The following BRWD1 variants were observed in gnomAD, a reference collection of about 807,000 sequenced individuals.
BRWD1 encodes bromodomain and WD repeat domain containing 1.
Under a neutral mutation model 251.2 loss-of-function variants are expected in BRWD1, and 82 were observed. The ratio of observed to expected loss-of-function variants is 0.33; its 90% CI spans 0.27 to 0.39. The LOEUF is 0.39. Among genes scored for constraint, BRWD1 ranks in the 10% least tolerant of loss-of-function variants. The probability of loss-of-function intolerance (pLI) is 1.00; values close to 1 mark genes in which losing one functional copy is unlikely to be tolerated. For synonymous variants in BRWD1, 918 were observed against 902.8 expected (o/e 1.02, Z -0.30); for missense variants, 2,233 against 2,711.6 (o/e 0.82, Z 3.92).
chr21:39,243,840 G>C (rs1268362135), intron 21 of BRWD1, among the ~76,000 whole-genome samples: 2 of 152,110 alleles, frequency 1.3e-5, no homozygotes, highest in Non-Finnish European at 2.9e-5. Flanking sequence ...ACTCTCAAAA[G>C]GATTAAAACA....
chr21:39,192,254 A>G lies in BRWD1; in HGVS notation c.*4005T>C, dbSNP rs2031591177. On this transcript the variant is annotated 3_prime_UTR_variant, in exon 41 of 41. Coordinates refer to ENST00000342449, the MANE Select transcript of BRWD1 (RefSeq NM_033656.4). ...AAGACAACACAGCCCTTAGCATTACATACTTTACTTTTCAATCCTTACTAT... is the reference window on the plus strand; with the variant it reads ...AAGACAACACAGCCCTTAGCATTACGTACTTTACTTTTCAATCCTTACTAT... 2.1e-6 allele frequency: 2 copies of G among 949,152 alleles called. No homozygotes were observed. The highest frequency in any genetic ancestry group is 2.5e-6 in the Non-Finnish European group (2 of 815,890). The allele number at this position is 949,152 out of a possible 1,614,324, so 58.8% of individuals were successfully genotyped here. A position where few individuals can be genotyped will look rare whatever the true frequency, so the allele number is the denominator to read the frequency against.
intron 34 of BRWD1, among the ~76,000 whole-genome samples, chr21:39,211,335 G>A (rs528482510): frequency 6.6e-6 from 1 of 152,248 alleles, no homozygotes; most frequent in South Asian, 2.1e-4. Flanking sequence ...TGCCTTACAT[G>A]AGAAAAGGTA....
chr21:39,270,256 T>A (rs755493917), intron 14 of BRWD1, 27 bp downstream of exon 14: 2 of 1,512,270 alleles, frequency 1.3e-6, no homozygotes, highest in South Asian at 1.3e-5. Flanking sequence ...AAATCTCATT[T>A]GTTACACTGT....
rs536426330 is a variant in BRWD1, at chr21:39,251,347, A to C, written c.2256-458T>G. ...ACTCACATGATACAACAAAAAGATTATGTTATTGTGACCAATTTCAAAGCA... is the reference window on the plus strand; with the variant it reads ...ACTCACATGATACAACAAAAAGATTCTGTTATTGTGACCAATTTCAAAGCA... On this transcript the variant is annotated intron_variant, in intron 19 of 40. Transcript: ENST00000342449. Among the ~76,000 whole-genome samples, 3 of 152,332 alleles carry C rather than the reference A, an allele frequency of 2.0e-5. No homozygotes were observed. In the South Asian group the frequency reaches 6.2e-4, roughly 32 times the overall value.
intron 38 of BRWD1, among the ~76,000 whole-genome samples, chr21:39,201,437 G>T (rs867682032): frequency 6.6e-5 from 10 of 152,172 alleles, no homozygotes; most frequent in Middle Eastern, 3.2e-3. Flanking sequence ...AAACTCTTCT[G>T]CAAGGCTCGA....
chr21:39,277,493 T>C (rs1379626458), intron 10 of BRWD1, 142 bp from the exon 11 acceptor site: 7 of 516,450 alleles, frequency 1.4e-5, no homozygotes, highest in Non-Finnish European at 2.2e-5. Context: ...TCTGACTCAC[T>C]ATATAGAGGT....
intron 31 of BRWD1, among the ~76,000 whole-genome samples, chr21:39,216,335 T>G (rs1005193806): frequency 3.9e-5 from 6 of 152,142 alleles, no homozygotes; most frequent in African/African-American, 1.4e-4. Flanking sequence ...TAAATGTAGT[T>G]AAATAGAAAT....
chr21:39,200,342 C>G lies in BRWD1; in HGVS notation c.4630G>C (p.Ala1544Pro), dbSNP rs1367876066. 6 of 1,613,514 alleles carry G rather than the reference C, an allele frequency of 3.7e-6. No individual in the cohort carries two copies. In the African/African-American group the frequency reaches 8.0e-5, roughly 22 times the overall value. ...DSLATSLSSS[A>P]SSSSEESKES... Reference sequence around the variant, plus strand: ...TTGCTTTCCTCAGAACTACTGGAAGCTGACGATGACAAAGAGGTAGCTAAA... The same window carrying G: ...TTGCTTTCCTCAGAACTACTGGAAGGTGACGATGACAAAGAGGTAGCTAAA... Residue 1544 changes from alanine (A) to proline (P), a missense_variant, in exon 39 of 41, where the codon GCT (alanine) becomes CCT (proline). Transcript: ENST00000342449.
intron 21 of BRWD1, among the ~76,000 whole-genome samples, chr21:39,245,268 A>G (rs960196134): frequency 6.6e-6 from 1 of 152,068 alleles, no homozygotes; most frequent in African/African-American, 2.4e-5. Context: ...GTTTAAACAG[A>G]TGGTTTTAAT....
chr21:39,229,046 G>A (rs949079301), intron 26 of BRWD1, among the ~76,000 whole-genome samples: 11 of 152,158 alleles, frequency 7.2e-5, no homozygotes, highest in South Asian at 2.1e-4. Context: ...AATTTGGCCC[G>A]TATGTCAGAA....
downstream of BRWD1, chr21:39,184,438 T>C (rs2031092770): frequency 6.6e-6 from 1 of 152,194 alleles, no homozygotes; most frequent in African/African-American, 2.4e-5. Flanking sequence ...AAAGGGGACA[T>C]AATTTAAATG....
intron 37 of BRWD1, 86 bp downstream of exon 37, chr21:39,206,022 C>T (rs942848440): frequency 2.3e-6 from 3 of 1,319,832 alleles, no homozygotes; most frequent in African/African-American, 2.9e-5. Context: ...AGAGATCATG[C>T]CACTGCACTC....
At chr21:39,251,940 G>A (rs1412826763) in intron 19 of BRWD1, among the ~76,000 whole-genome samples, 1 of 152,050 alleles carries the variant, frequency 6.6e-6, no homozygotes, top group Non-Finnish European at 1.5e-5. Context: ...TAAGAAAAGT[G>A]GTATTAGCAA....
chr21:39,282,603 C>CA (rs1399683383), intron 8 of BRWD1, among the ~76,000 whole-genome samples: 1 of 151,980 alleles, frequency 6.6e-6, no homozygotes, highest in South Asian at 2.1e-4. Flanking sequence ...GCTAATTGGA[C>CA]AAAAAAATTT....
In BRWD1 at chr21:39,255,637, A is replaced by G. The variant is rs371341134; in HGVS notation, c.2255+8T>C. 6.2e-7 allele frequency: 1 copy of G among 1,611,202 alleles called. No individual in the cohort carries two copies. The highest frequency in any genetic ancestry group is 1.1e-5 in the South Asian group (1 of 90,998). On this transcript the variant is annotated splice_region_variant and intron_variant, in intron 19 of 40. Coordinates refer to ENST00000342449, the MANE Select transcript of BRWD1 (RefSeq NM_033656.4). ...AGAAACATTATAAATAGATATCCTA[A>G]AACAAACCTAAATATGCCTAGTGGT...
At chr21:39,294,808 C>T (rs1009247446) in intron 7 of BRWD1, among the ~76,000 whole-genome samples, 4 of 152,168 alleles carry the variant, frequency 2.6e-5, no homozygotes, top group Non-Finnish European at 5.9e-5. Flanking sequence ...TCCTCACGAA[C>T]ACAGTCTCAA....
At chr21:39,313,380 G>A in intron 1 of BRWD1, 63 bp downstream of exon 1, 1 of 1,484,012 alleles carries the variant, frequency 6.7e-7, no homozygotes, top group Non-Finnish European at 9.0e-7. Flanking sequence ...GGAGCCCGGG[G>A]AGCCGGGGAA....
At position 39,310,151 on chromosome 21, in the gene BRWD1, T is replaced by C. The variant is rs564818296; in HGVS notation, c.198+2690A>G. On this transcript the variant is annotated intron_variant, in intron 4 of 40. Coordinates refer to ENST00000342449, the MANE Select transcript of BRWD1 (RefSeq NM_033656.4). ...ATTTTTGTTTGAAGATGTCCATTGA[T>C]AGTTTCTTAAAACATATGTATACCT... 4.6e-5 allele frequency among the ~76,000 whole-genome samples: 7 copies of C among 152,378 alleles called. No individual in the cohort carries two copies. The East Asian group carries it at 1.3e-3, about 29-fold the overall frequency.
At chr21:39,215,106 G>GTGATC (rs2032831408) in intron 32 of BRWD1, 131 bp downstream of exon 32, 1 of 811,654 alleles carries the variant, frequency 1.2e-6, no homozygotes, top group Non-Finnish European at 1.9e-6. Flanking sequence ...CTGACCGCAA[G>GTGATC]TGATCTGACG....
Sources: allele counts gnomAD v4.1 joint callset (sites outside exome capture counted in the v4.1 genomes callset), GRCh38; gene constraint gnomAD v4.1.1; transcripts MANE v1.5; gene names NCBI Gene and HGNC (gene_info 2026-07-23, HGNC 2026-07-21).